ADORA2B: variants seen among roughly 807,000 people sequenced by gnomAD.
ADORA2B encodes the protein adenosine A2b receptor.
ADORA2B carries 18 observed loss-of-function variants against 20.8 expected under a neutral mutation model. The observed-to-expected ratio is 0.87, with a 90% confidence interval of 0.60 to 1.29. ADORA2B has a LOEUF of 1.29. Among genes scored for constraint, ADORA2B ranks in the 50% most tolerant of loss-of-function variants. The probability of loss-of-function intolerance (pLI) is 0.00; values close to 1 mark genes in which losing one functional copy is unlikely to be tolerated. For missense variants in ADORA2B, 441 were observed against 422.7 expected (o/e 1.04, Z -0.38); for synonymous variants, 179 against 178.3 (o/e 1.00, Z -0.03).
chr17:15,887,252 A>C, the ADORA2B span, among the ~76,000 whole-genome samples: 2 of 130,210 alleles, frequency 1.5e-5, 1 homozygote, highest in Non-Finnish European at 3.2e-5. Flanking sequence ...TTCCTGGACC[A>C]GCTCACCGTG....
chr17:15,853,955 A>G, the ADORA2B span, among the ~76,000 whole-genome samples: 1 of 152,020 alleles, frequency 6.6e-6, no homozygotes, highest in Non-Finnish European at 1.5e-5. Flanking sequence ...TTATTTATTT[A>G]TTTACTTATT....
At chr17:15,953,227 A>C (rs1002524766) in intron 1 of ADORA2B, among the ~76,000 whole-genome samples, 4 of 152,204 alleles carry the variant, frequency 2.6e-5, no homozygotes, top group Non-Finnish European at 4.4e-5. Context: ...GCCAGGGAGC[A>C]GGCAGCTCGA....
At chr17:15,859,680 A>G in the ADORA2B span, among the ~76,000 whole-genome samples, 1 of 152,096 alleles carries the variant, frequency 6.6e-6, no homozygotes, top group Non-Finnish European at 1.5e-5. Flanking sequence ...GTATCATGGC[A>G]TGCTCCTATA....
At chr17:15,926,946 C>T in the ADORA2B span, among the ~76,000 whole-genome samples, 5 of 151,802 alleles carry the variant, frequency 3.3e-5, no homozygotes, top group African/African-American at 9.7e-5. Flanking sequence ...ATTCCAGCCT[C>T]GGCAGCAGAG....
At chr17:15,932,185 T>C in the ADORA2B span, among the ~76,000 whole-genome samples, 818 of 152,140 alleles carry the variant, frequency 5.4e-3, 8 homozygotes, top group African/African-American at 0.019. Flanking sequence ...ATTGCTTGGG[T>C]TTTTGGTGTC....
chr17:15,885,511 C>T, the ADORA2B span, among the ~76,000 whole-genome samples: 1 of 152,038 alleles, frequency 6.6e-6, no homozygotes, highest in Non-Finnish European at 1.5e-5. Context: ...GTCAGGAGTT[C>T]GAGACCAGCC....
chr17:15,893,799 TCTTTA>T, the ADORA2B span, among the ~76,000 whole-genome samples: 2 of 152,314 alleles, frequency 1.3e-5, no homozygotes, highest in African/African-American at 4.8e-5. Context: ...CCACATAACC[TCTTTA>T]CTTAGGTTTG....
the ADORA2B span, among the ~76,000 whole-genome samples, chr17:15,870,571 C>T: frequency 7.6e-6 from 1 of 131,328 alleles, no homozygotes; most frequent in Non-Finnish European, 1.6e-5. Flanking sequence ...CAAGATCGCG[C>T]TACTGCACTC....
the ADORA2B span, among the ~76,000 whole-genome samples, chr17:15,923,403 A>T: frequency 1.9e-4 from 24 of 123,172 alleles, no homozygotes; most frequent in Non-Finnish European, 2.8e-4. Flanking sequence ...ATATATATAT[A>T]TATATTTTTT....
At chr17:15,931,800 C>T in the ADORA2B span, among the ~76,000 whole-genome samples, 1 of 152,074 alleles carries the variant, frequency 6.6e-6, no homozygotes, top group Non-Finnish European at 1.5e-5. Context: ...GGCATGATCT[C>T]AGCTCACTGC....
chr17:15,915,713 G>A, the ADORA2B span, among the ~76,000 whole-genome samples: 1 of 152,160 alleles, frequency 6.6e-6, no homozygotes, highest in Admixed American at 6.5e-5. Context: ...GACCCAGGAA[G>A]GCCAGTGGTG....
At chr17:15,876,197 A>G in the ADORA2B span, among the ~76,000 whole-genome samples, 1 of 151,978 alleles carries the variant, frequency 6.6e-6, no homozygotes, top group Non-Finnish European at 1.5e-5. Context: ...CTAATGCTTG[A>G]TGGTTTCCTT....
chr17:15,969,164 C>G (rs1170293562), intron 1 of ADORA2B, among the ~76,000 whole-genome samples: 2 of 152,032 alleles, frequency 1.3e-5, no homozygotes, highest in Non-Finnish European at 1.5e-5. Flanking sequence ...ATAATCTGTC[C>G]CTTTGGCCGG....
chr17:15,944,609 C>T (rs891307340), upstream of ADORA2B, among the ~76,000 whole-genome samples: 10 of 152,084 alleles, frequency 6.6e-5, no homozygotes, highest in Admixed American at 2.6e-4. The surrounding 1 kb of genome is among the most constrained non-coding windows in gnomAD (Gnocchi z 4.8). Flanking sequence ...AGTCCGGCCC[C>T]GCAGCCTGGA....
At chr17:15,916,589 A>G in the ADORA2B span, among the ~76,000 whole-genome samples, 1 of 152,108 alleles carries the variant, frequency 6.6e-6, no homozygotes, top group African/African-American at 2.4e-5. Context: ...CAGGACAGGG[A>G]TTTTCACAGT....
chr17:15,878,811 A>G, the ADORA2B span, among the ~76,000 whole-genome samples: 1 of 152,140 alleles, frequency 6.6e-6, no homozygotes, highest in Non-Finnish European at 1.5e-5. Flanking sequence ...AATTATAGCA[A>G]ATTCCTTTTT....
chr17:15,876,449 C>CTTT, the ADORA2B span, among the ~76,000 whole-genome samples: 3 of 119,298 alleles, frequency 2.5e-5, no homozygotes, highest in Admixed American at 8.6e-5. Flanking sequence ...TTTCTTTTTT[C>CTTT]TTTTTTTTTT....
the ADORA2B span, among the ~76,000 whole-genome samples, chr17:15,900,995 C>T: frequency 6.6e-6 from 1 of 152,148 alleles, no homozygotes; most frequent in East Asian, 1.9e-4. Flanking sequence ...CATGTCTGTA[C>T]CGGGCCGTTT....
chr17:15,964,755 A>C (rs980790806), intron 1 of ADORA2B, among the ~76,000 whole-genome samples: 1 of 151,306 alleles, frequency 6.6e-6, no homozygotes, highest in Non-Finnish European at 1.5e-5. Context: ...TCTGAAAAAT[A>C]GATGAATATT....
Sources: allele counts gnomAD v4.1 joint callset (sites outside exome capture counted in the v4.1 genomes callset), GRCh38; gene constraint gnomAD v4.1.1; non-coding constraint Gnocchi (gnomAD v3.1); transcripts MANE v1.5; gene names NCBI Gene and HGNC (gene_info 2026-07-23, HGNC 2026-07-21).